Variants in HERC4 observed in about 807,000 individuals in gnomAD.
The protein encoded by HERC4 is HECT and RLD domain containing E3 ubiquitin protein ligase 4.
A neutral mutation model predicts 124.3 loss-of-function variants in HERC4; 28 were observed. The observed-to-expected ratio is 0.23, with a 90% confidence interval of 0.17 to 0.31. The LOEUF (loss-of-function observed/expected upper bound fraction) is 0.31. Among genes scored for constraint, HERC4 ranks in the 10% least tolerant of loss-of-function variants. The probability of loss-of-function intolerance (pLI) is 1.00; values close to 1 mark genes in which losing one functional copy is unlikely to be tolerated. For synonymous variants in HERC4, 407 were observed against 421.5 expected (o/e 0.97, Z 0.42); for missense variants, 713 against 1,229.3 (o/e 0.58, Z 6.28).
chr10:67,989,953 A>T (rs1161606467), intron 14 of HERC4, among the ~76,000 whole-genome samples: 1 of 152,076 alleles, frequency 6.6e-6, no homozygotes, highest in Non-Finnish European at 1.5e-5. Context: ...AATACGGGTG[A>T]CAGTTTTTAA....
chr10:67,950,147 C>T lies in HERC4; in HGVS notation c.2337+4448G>A, dbSNP rs185474999. On this transcript the variant is annotated intron_variant, in intron 19 of 24. Transcript: ENST00000373700. ...GGACAGAAGGGAATTTCCTTAACAC[C>T]ATAAAGGGAATTTGGGAAAAATCCA... Among the ~76,000 whole-genome samples, 9 of 152,152 alleles carry T rather than the reference C, an allele frequency of 5.9e-5. No individual in the cohort carries two copies. In the East Asian group the frequency reaches 1.7e-3, roughly 29 times the overall value.
chr10:68,034,875 A>G (rs1230071274), intron 5 of HERC4, among the ~76,000 whole-genome samples: 1 of 151,568 alleles, frequency 6.6e-6, no homozygotes, highest in Non-Finnish European at 1.5e-5. Context: ...CCAAATTTAC[A>G]TCCAGTTTTC....
intron 8 of HERC4, among the ~76,000 whole-genome samples, chr10:68,021,202 A>G (rs1309677813): frequency 6.6e-6 from 1 of 152,272 alleles, no homozygotes; most frequent in African/African-American, 2.4e-5. Context: ...AGGTTGTCAT[A>G]CACAAAGGAT....
intron 20 of HERC4, among the ~76,000 whole-genome samples, 184 bp from the exon 21 acceptor site, chr10:67,939,838 T>C (rs1299436559): frequency 3.3e-5 from 5 of 152,136 alleles, no homozygotes; most frequent in African/African-American, 9.7e-5. Flanking sequence ...AAATGATGCT[T>C]AAGGAAAAAA....
intron 19 of HERC4, among the ~76,000 whole-genome samples, chr10:67,946,387 AC>A (rs2033349909): frequency 7.1e-6 from 1 of 141,226 alleles, no homozygotes; most frequent in Admixed American, 7.0e-5. Context: ...ACACACACAC[AC>A]ACACACACAA....
At chr10:68,003,737 C>T (rs554216577) in intron 9 of HERC4, among the ~76,000 whole-genome samples, 1 of 152,144 alleles carries the variant, frequency 6.6e-6, no homozygotes, top group African/African-American at 2.4e-5. Context: ...ATATATACAC[C>T]ACATTTTCTT....
In HERC4 at chr10:67,984,100, G is replaced by A. The variant is rs905771637; in HGVS notation, c.1806+4563C>T. Among the ~76,000 whole-genome samples the A allele has an allele frequency of 1.3e-4, 19 of 151,836 alleles. 1 individual carries two copies. Among genetic ancestry groups the A allele is most frequent in the Non-Finnish European group, 5.9e-5 (4 of 67,948 alleles). On this transcript the variant is annotated intron_variant, in intron 15 of 24. Coordinates refer to ENST00000373700, the MANE Select transcript of HERC4 (RefSeq NM_015601.4). ...GTGGATCATTTGAGGCCAGGAGTTC[G>A]AGACCAGCCTGGCCAACGTGGTGAA...
Position 68,044,399 on chromosome 10 carries a change from G to T in HERC4, c.386+5C>A, listed in dbSNP as rs981682535. 1 of 1,603,330 alleles carries T rather than the reference G, an allele frequency of 6.2e-7. No individual in the cohort carries two copies. The highest frequency in any genetic ancestry group is 8.5e-7 in the Non-Finnish European group (1 of 1,177,096). On this transcript the variant is annotated splice_donor_5th_base_variant and intron_variant, in intron 4 of 24. Coordinates refer to ENST00000373700, the MANE Select transcript of HERC4 (RefSeq NM_015601.4). The stretch of plus-strand genomic sequence containing the variant: ...TAAGGACCTCTTTCTGGTCACCTTT[G>T]TTACCTGGGTACTCTGATGCATTCC...
intron 9 of HERC4, among the ~76,000 whole-genome samples, chr10:68,002,884 G>A (rs554255710): frequency 1.2e-4 from 18 of 152,092 alleles, no homozygotes; most frequent in African/African-American, 4.3e-4. Flanking sequence ...ACAAGCCTGA[G>A]CCACCGTGCC....
At chr10:68,029,602 A>C (rs1033430806) in intron 7 of HERC4, among the ~76,000 whole-genome samples, 2 of 151,560 alleles carry the variant, frequency 1.3e-5, no homozygotes, top group Non-Finnish European at 2.9e-5. Context: ...AAAATCACCT[A>C]AAATAATTAT....
chr10:67,988,626 TG>T (rs34538237), intron 15 of HERC4, 36 bp downstream of exon 15: 3 of 1,295,740 alleles, frequency 2.3e-6, no homozygotes, highest in Non-Finnish European at 3.2e-6. Context: ...TTAATAGGAA[TG>T]GGGAAAGAGG....
intron 4 of HERC4, chr10:68,039,426 C>T: frequency 6.4e-7 from 1 of 1,550,710 alleles, no homozygotes; most frequent in Non-Finnish European, 8.7e-7. Context: ...CCTGATTCTG[C>T]CATAAGAGAG....
At chr10:68,020,725 C>T (rs1250874688) in intron 8 of HERC4, among the ~76,000 whole-genome samples, 16 of 148,842 alleles carry the variant, frequency 1.1e-4, no homozygotes, top group Non-Finnish European at 2.2e-4. Flanking sequence ...GCTGAGATCG[C>T]GCCACTGCAC....
intron 3 of HERC4, among the ~76,000 whole-genome samples, chr10:68,064,392 A>G (rs1469678380): frequency 6.6e-6 from 1 of 151,964 alleles, no homozygotes; most frequent in African/African-American, 2.4e-5. Context: ...CATCTCTACT[A>G]AAAATACAAA....
chr10:68,069,245 TC>T (rs2133852236), intron 3 of HERC4: 2 of 952,650 alleles, frequency 2.1e-6, no homozygotes, highest in African/African-American at 3.5e-5. Flanking sequence ...AATGGATTGG[TC>T]TAGCGCACTG....
chr10:67,930,091 C>T (rs561907054), intron 23 of HERC4, among the ~76,000 whole-genome samples: 4 of 152,060 alleles, frequency 2.6e-5, no homozygotes, highest in Non-Finnish European at 5.9e-5. Flanking sequence ...CAGGCGTGAG[C>T]CACCGCGCCC....
At chr10:67,983,824 G>A (rs527330966) in intron 15 of HERC4, among the ~76,000 whole-genome samples, 43 of 151,104 alleles carry the variant, frequency 2.8e-4, no homozygotes, top group African/African-American at 9.3e-4. Context: ...TTAACTGGGT[G>A]TGGTGGTGTA....
rs567627082 is a variant in HERC4, at chr10:68,033,772, T to C, written c.685+193A>G. On this transcript the variant is annotated intron_variant, in intron 6 of 24. Coordinates refer to ENST00000373700, the MANE Select transcript of HERC4 (RefSeq NM_015601.4). ...ACATTTTGTCCAGATATACTTTTTATAGTTCTTTAATGAATAAAGGATATT... is the reference window on the plus strand; with the variant it reads ...ACATTTTGTCCAGATATACTTTTTACAGTTCTTTAATGAATAAAGGATATT... 2.6e-5 allele frequency among the ~76,000 whole-genome samples: 4 copies of C among 152,322 alleles called. No individual in the cohort carries two copies. The East Asian group carries it at 7.7e-4, about 29-fold the overall frequency.
chr10:67,927,403 TATATATATATATATATATA>T (rs2031153833), intron 23 of HERC4, among the ~76,000 whole-genome samples: 12 of 20,700 alleles, frequency 5.8e-4, no homozygotes, highest in African/African-American at 8.9e-4. Flanking sequence ...TATATATATA[TATATATATATATATATATA>T]TATATATATT....
Sources: gnomAD v4.1 joint callset for allele counts (sites outside exome capture counted in the v4.1 genomes callset) on GRCh38, gnomAD v4.1.1 for gene constraint, MANE v1.5 for transcripts, NCBI Gene and HGNC (gene_info 2026-07-23, HGNC 2026-07-21) for gene names.